SAMD5: variants seen among roughly 807,000 people sequenced by gnomAD.
The protein encoded by SAMD5 is sterile alpha motif domain containing 5, also known as sterile alpha motif domain-containing protein 5.
A neutral mutation model predicts 11.3 loss-of-function variants in SAMD5; 13 were observed. That is an observed-to-expected ratio of 1.15 (90% confidence interval 0.75 to 1.83). The LOEUF is 1.83. Among genes scored for constraint, SAMD5 ranks in the 40% most tolerant of loss-of-function variants. The probability of loss-of-function intolerance (pLI) is 0.00; values close to 1 mark genes in which losing one functional copy is unlikely to be tolerated. For synonymous variants in SAMD5, 129 were observed against 111.3 expected, an observed-to-expected ratio of 1.16 and a Z score of -1.00; for missense variants, 255 against 239.1, an observed-to-expected ratio of 1.07 and a Z score of -0.44.
intron 1 of SAMD5, among the ~76,000 whole-genome samples, chr6:147,527,590 C>T (rs1403714103): frequency 6.6e-6 from 1 of 152,052 alleles, no homozygotes; most frequent in African/African-American, 2.4e-5. Context: ...TGACCCCTCC[C>T]CAAATCTCAT....
chr6:147,699,953 G>A (rs982405243), intron 1 of SAMD5, among the ~76,000 whole-genome samples: 3 of 152,160 alleles, frequency 2.0e-5, no homozygotes, highest in African/African-American at 7.2e-5. Flanking sequence ...CATTATTACT[G>A]CTGATACGCA....
At position 147,564,604 on chromosome 6, in the gene SAMD5, T is replaced by A. The variant is rs894939168; in HGVS notation, c.*148T>A. The A allele has an allele frequency of 4.2e-6, 6 of 1,445,090 alleles. No individual in the cohort carries two copies. In the African/African-American group the frequency reaches 7.1e-5, roughly 17 times the overall value. 89.5% of individuals were successfully genotyped at this position (1,445,090 alleles called of 1,614,324 possible). On this transcript the variant is annotated 3_prime_UTR_variant, in exon 2 of 2. Coordinates refer to ENST00000367474, the MANE Select transcript of SAMD5 (RefSeq NM_001030060.3). ...CTTTTTGCTTGGACAAATTCTGGAA[T>A]AATCAACTTAGTAAACTGGGTAACT...
At chr6:147,526,096 G>A (rs1359080255) in intron 1 of SAMD5, among the ~76,000 whole-genome samples, 1 of 152,154 alleles carries the variant, frequency 6.6e-6, no homozygotes, top group Admixed American at 6.5e-5. Flanking sequence ...GCTAGGACAT[G>A]ATGAACTGGG....
the SAMD5 span, among the ~76,000 whole-genome samples, chr6:147,845,075 C>T: frequency 2.6e-3 from 389 of 152,128 alleles, 1 homozygote; most frequent in Middle Eastern, 0.01. Context: ...ATTGTATACA[C>T]GTATCAAGAC....
the SAMD5 span, among the ~76,000 whole-genome samples, chr6:147,791,562 C>T: frequency 6.6e-6 from 1 of 152,038 alleles, no homozygotes. Context: ...CATTAGTATA[C>T]CTGAGTATTT....
At chr6:147,833,405 A>G in the SAMD5 span, among the ~76,000 whole-genome samples, 2 of 152,364 alleles carry the variant, frequency 1.3e-5, no homozygotes, top group Admixed American at 1.3e-4. Context: ...TAAGGAAACT[A>G]AGATTGTGTA....
chr6:147,768,533 GA>G, the SAMD5 span, among the ~76,000 whole-genome samples: 2 of 151,324 alleles, frequency 1.3e-5, no homozygotes, highest in African/African-American at 2.4e-5. Flanking sequence ...CAAAAAAACA[GA>G]AAAAAACAAA....
At chr6:147,805,589 T>G in the SAMD5 span, among the ~76,000 whole-genome samples, 1 of 152,194 alleles carries the variant, frequency 6.6e-6, no homozygotes, top group Non-Finnish European at 1.5e-5. Context: ...AAGGATTTAT[T>G]GAATAGTGAA....
the SAMD5 span, among the ~76,000 whole-genome samples, chr6:147,877,759 G>A: frequency 1.3e-5 from 2 of 151,674 alleles, no homozygotes; most frequent in Admixed American, 6.6e-5. Context: ...AAGACTGCCA[G>A]CCTGCCCTGC....
At chr6:147,611,638 G>T (rs1192106388) in intron 1 of SAMD5, among the ~76,000 whole-genome samples, 1 of 152,136 alleles carries the variant, frequency 6.6e-6, no homozygotes, top group Non-Finnish European at 1.5e-5. Flanking sequence ...TGCAGTGGGG[G>T]TTTTCATAAT....
chr6:147,772,600 A>G, the SAMD5 span, among the ~76,000 whole-genome samples: 1 of 152,128 alleles, frequency 6.6e-6, no homozygotes, highest in African/African-American at 2.4e-5. Flanking sequence ...CATAAGGGAA[A>G]GATCTGTTCC....
intron 1 of SAMD5, among the ~76,000 whole-genome samples, chr6:147,591,911 A>T (rs118139378): frequency 0.035 from 5,340 of 152,180 alleles, 129 homozygotes; most frequent in Middle Eastern, 0.075. Context: ...GGTTTCCCTC[A>T]GCAAGCAGCT....
chr6:147,868,136 A>T, the SAMD5 span, among the ~76,000 whole-genome samples: 1 of 152,206 alleles, frequency 6.6e-6, no homozygotes, highest in East Asian at 1.9e-4. Context: ...CTTTACAACT[A>T]TTCAAAGCTG....
the SAMD5 span, among the ~76,000 whole-genome samples, chr6:147,904,862 A>G: frequency 6.6e-6 from 1 of 150,634 alleles, no homozygotes; most frequent in Admixed American, 6.6e-5. Context: ...CTCAAAACTA[A>G]CATAATGGTT....
chr6:147,638,980 C>T (rs1008608411), intron 1 of SAMD5, among the ~76,000 whole-genome samples: 17 of 152,018 alleles, frequency 1.1e-4, no homozygotes, highest in Non-Finnish European at 2.1e-4. Flanking sequence ...CCAATGAGAT[C>T]GAAAAGTTAG....
At chr6:147,911,063 G>A in the SAMD5 span, among the ~76,000 whole-genome samples, 1 of 152,290 alleles carries the variant, frequency 6.6e-6, no homozygotes, top group Admixed American at 6.5e-5. Flanking sequence ...CCTTGACTTA[G>A]CCTGTTACCT....
intron 1 of SAMD5, among the ~76,000 whole-genome samples, chr6:147,694,047 T>A (rs1791141495): frequency 6.6e-6 from 1 of 152,202 alleles, no homozygotes; most frequent in Admixed American, 6.5e-5. Context: ...TTGTTTTTGT[T>A]GTTTTTAATC....
the SAMD5 span, among the ~76,000 whole-genome samples, chr6:147,751,299 G>C: frequency 6.6e-6 from 1 of 151,782 alleles, no homozygotes; most frequent in Non-Finnish European, 1.5e-5. Context: ...TCTTTCACCC[G>C]TTTAACATGT....
chr6:147,941,329 A>T, the SAMD5 span, among the ~76,000 whole-genome samples: 1 of 152,162 alleles, frequency 6.6e-6, no homozygotes, highest in African/African-American at 2.4e-5. Flanking sequence ...GCATTTAATT[A>T]AGTGCACAAA....
Sources: gnomAD v4.1 joint callset for allele counts (sites outside exome capture counted in the v4.1 genomes callset) on GRCh38, gnomAD v4.1.1 for gene constraint, MANE v1.5 for transcripts, NCBI Gene and HGNC (gene_info 2026-07-23, HGNC 2026-07-21) for gene names.